The following ZNF724 variants were observed in gnomAD, a reference collection of about 807,000 sequenced individuals.
ZNF724 encodes the protein zinc finger protein 724 pseudogene.
Under a neutral mutation model 29.3 loss-of-function variants are expected in ZNF724, and 14 were observed. The observed-to-expected ratio is 0.48, with a 90% CI of 0.32 to 0.75. The LOEUF (loss-of-function observed/expected upper bound fraction) is 0.75. ZNF724 is among the 30% of genes least tolerant of loss of function. The probability of loss-of-function intolerance (pLI) is 0.04; values close to 1 mark genes in which losing one functional copy is unlikely to be tolerated. For synonymous variants in ZNF724, 180 were observed against 193.6 expected (o/e 0.93, Z 0.58); for missense variants, 557 against 571.2 (o/e 0.98, Z 0.25).
At chr19:23,238,289 C>T (rs575770568) in intron 1 of ZNF724, among the ~76,000 whole-genome samples, 14 of 151,988 alleles carry the variant, frequency 9.2e-5, no homozygotes, top group African/African-American at 2.7e-4. Flanking sequence ...GGCGTGAACC[C>T]GGGAGGCAGA....
chr19:23,247,497 G>A (rs1210534032), intron 1 of ZNF724, among the ~76,000 whole-genome samples: 6 of 152,120 alleles, frequency 3.9e-5, no homozygotes, highest in Non-Finnish European at 4.4e-5. Context: ...TGACTCATTC[G>A]TCAAGTCAGG....
In ZNF724 at chr19:23,223,984, T is replaced by C. The variant is rs1319870341; in HGVS notation, c.261A>G (p.Pro87=). 2.9e-6 allele frequency: 2 copies of C among 695,394 alleles called. No homozygotes were observed. Among genetic ancestry groups the C allele is most frequent in the Non-Finnish European group, 5.2e-6 (2 of 383,986 alleles). 43.1% of individuals were successfully genotyped at this position (695,394 alleles called of 1,614,324 possible). ...GCAAAGAAGCTTTTATGCTCTGCTC[T>C]GGCCGAAGGTCTTGGGCAAAATAAC... ...MCCYFAQDLR[P]EQSIKASLQR... Residue 87 remains proline, a synonymous_variant, in exon 4 of 4, where the codon CCA becomes CCG. Coordinates refer to ENST00000418100, the MANE Select transcript of ZNF724 (RefSeq NM_001355404.2).
At chr19:23,232,083 G>T in intron 2 of ZNF724, 84 bp downstream of exon 2, 1 of 1,094,196 alleles carries the variant, frequency 9.1e-7, no homozygotes, top group African/African-American at 1.6e-5. Flanking sequence ...TTTATGCAAA[G>T]ATCAATTACC....
chr19:23,224,242 T>G (rs1044763486), intron 3 of ZNF724, among the ~76,000 whole-genome samples: 6 of 152,150 alleles, frequency 3.9e-5, no homozygotes. Context: ...GAGACCCATC[T>G]TTACTAAAAA....
chr19:23,249,241 C>CCT (rs1555726274), intron 1 of ZNF724, among the ~76,000 whole-genome samples: 1 of 133,812 alleles, frequency 7.5e-6, no homozygotes, highest in Non-Finnish European at 1.6e-5. Context: ...CAGAGACTGC[C>CCT]TTTTTTTTTT....
At position 23,223,091 on chromosome 19, in the gene ZNF724, T is replaced by G. The variant is rs773214910; in HGVS notation, c.1154A>C (p.Lys385Thr). 7.9e-7 allele frequency: 1 copy of G among 1,267,792 alleles called. No individual in the cohort carries two copies. The highest frequency in any genetic ancestry group is 1.2e-5 in the South Asian group (1 of 83,850). The allele number at this position is 1,267,792 out of a possible 1,614,324, so 78.5% of individuals were successfully genotyped here. A position where few individuals can be genotyped will look rare whatever the true frequency, so the allele number is the denominator to read the frequency against. ...FNVSSTLTQH[K>T]RIHTGEKPYK... Reference sequence around the variant, plus strand: ...TGGTTTTTCTCCAGTATGAATTCTCTTATGTTGAGTAAGAGTTGAGGACAC... The same window carrying G: ...TGGTTTTTCTCCAGTATGAATTCTCGTATGTTGAGTAAGAGTTGAGGACAC... The change falls in exon 4 of 4, where the codon AAG becomes ACG. Residue 385 changes from lysine to threonine, a missense_variant. Lys to Thr is a moderately conservative substitution (Grantham distance 78). Coordinates refer to ENST00000418100, the MANE Select transcript of ZNF724 (RefSeq NM_001355404.2).
At chr19:23,244,764 T>G (rs183095051) in intron 1 of ZNF724, among the ~76,000 whole-genome samples, 10 of 152,304 alleles carry the variant, frequency 6.6e-5, no homozygotes, top group African/African-American at 2.2e-4. Flanking sequence ...CAGTTGCCAG[T>G]AACAAACCCC....
intron 1 of ZNF724, among the ~76,000 whole-genome samples, chr19:23,244,465 C>T (rs2145794450): frequency 6.6e-6 from 1 of 152,184 alleles, no homozygotes; most frequent in African/African-American, 2.4e-5. Context: ...AGATTCTTTC[C>T]TCTAAGTTTT....
intron 1 of ZNF724, among the ~76,000 whole-genome samples, chr19:23,233,920 A>G (rs956965255): frequency 2.6e-5 from 4 of 152,144 alleles, no homozygotes; most frequent in African/African-American, 9.7e-5. Flanking sequence ...ACATGCTACG[A>G]CCACACCCAC....
chr19:23,240,161 C>T (rs1599646135), intron 1 of ZNF724, among the ~76,000 whole-genome samples: 1 of 151,528 alleles, frequency 6.6e-6, no homozygotes, highest in Non-Finnish European at 1.5e-5. Flanking sequence ...ACTAAAAATA[C>T]AAAAATTACC....
intron 1 of ZNF724, among the ~76,000 whole-genome samples, chr19:23,243,039 C>CAAAAAAAAAAA (rs762188669): frequency 1.8e-5 from 2 of 112,236 alleles, no homozygotes; most frequent in African/African-American, 7.5e-5. Context: ...AACTCCATCT[C>CAAAAAAAAAAA]AAAAAAAAAA....
Position 23,222,009 on chromosome 19 carries a change from T to C in ZNF724, c.*376A>G, listed in dbSNP as rs1222716727. 5.3e-6 allele frequency: 1 copy of C among 187,130 alleles called. No homozygotes were observed. Among genetic ancestry groups the C allele is most frequent in the Admixed American group, 5.3e-5 (1 of 18,798 alleles). The allele number at this position is 187,130 out of a possible 1,614,324, so 11.6% of individuals were successfully genotyped here. Reference sequence around the variant, plus strand: ...TCTATTAAGTATGAACTCTCTGATATTGAATAAGATGTGAACAGATATTAA... The same window carrying C: ...TCTATTAAGTATGAACTCTCTGATACTGAATAAGATGTGAACAGATATTAA... On this transcript the variant is annotated 3_prime_UTR_variant, in exon 4 of 4. Coordinates refer to ENST00000418100, the MANE Select transcript of ZNF724 (RefSeq NM_001355404.2).
rs941190606 is a variant in ZNF724 at position 23,244,572 on chromosome 19, TCA to T, written c.3+5666_3+5667del. Among the ~76,000 whole-genome samples the T allele has an allele frequency of 1.8e-4, 28 of 152,118 alleles. 1 individual carries two copies. Among genetic ancestry groups the T allele is most frequent in the Admixed American group, 1.3e-4 (2 of 15,274 alleles). On this transcript the variant is annotated intron_variant, in intron 1 of 3. Coordinates refer to ENST00000418100, the MANE Select transcript of ZNF724 (RefSeq NM_001355404.2). ...AGCAGAGCCTCCCATTCCCAGACAC[TCA>T]GTTTTATTCCAGGCTAGACCTTTTA...
At chr19:23,241,360 A>G (rs1187796171) in intron 1 of ZNF724, among the ~76,000 whole-genome samples, 1 of 152,242 alleles carries the variant, frequency 6.6e-6, no homozygotes, top group Non-Finnish European at 1.5e-5. Flanking sequence ...AACTATTACA[A>G]AAAATTAAGA....
chr19:23,233,767 T>C (rs1180844075), intron 1 of ZNF724, among the ~76,000 whole-genome samples: 1 of 150,906 alleles, frequency 6.6e-6, no homozygotes, highest in East Asian at 1.9e-4. Context: ...GCAGGGCGGA[T>C]ACAGCTCTTG....
intron 3 of ZNF724, among the ~76,000 whole-genome samples, chr19:23,227,555 C>CAAAAAAAAAAAAAAAAA (rs1370441801): frequency 6.6e-5 from 5 of 76,042 alleles, no homozygotes; most frequent in Admixed American, 4.2e-4. Flanking sequence ...GGCTCCATCT[C>CAAAAAAAAAAAAAAAAA]AAAAAAAAAA....
chr19:23,238,357 T>TCAAAAAACAAAAAA (rs57894776), intron 1 of ZNF724, among the ~76,000 whole-genome samples: 26 of 151,280 alleles, frequency 1.7e-4, no homozygotes, highest in Non-Finnish European at 3.5e-4. Context: ...AGACTCCACC[T>TCAAAAAACAAAAAA]CAAAAAACAA....
At chr19:23,230,059 TA>T (rs1466599741) in intron 3 of ZNF724, among the ~76,000 whole-genome samples, 1 of 152,102 alleles carries the variant, frequency 6.6e-6, no homozygotes, top group East Asian at 1.9e-4. Flanking sequence ...AATATAAAAT[TA>T]ACATACATTT....
At chr19:23,242,734 AAT>A (rs1972151367) in intron 1 of ZNF724, 1 of 143,642 alleles carries the variant, frequency 7.0e-6, no homozygotes, top group African/African-American at 2.6e-5. Flanking sequence ...AAGTAATAAT[AAT>A]AATAATAATA....
Sources: gnomAD v4.1 joint callset for allele counts (sites outside exome capture counted in the v4.1 genomes callset) on GRCh38, gnomAD v4.1.1 for gene constraint, MANE v1.5 for transcripts, NCBI Gene and HGNC (gene_info 2026-07-23, HGNC 2026-07-21) for gene names.